Variants in CSMD1 observed in about 807,000 individuals in gnomAD.
CSMD1 encodes the protein CUB and sushi domain-containing protein 1.
Under a neutral mutation model 417.5 loss-of-function variants are expected in CSMD1, and 213 were observed. The ratio of observed to expected loss-of-function variants is 0.51; its 90% CI spans 0.46 to 0.57. The LOEUF (loss-of-function observed/expected upper bound fraction) is 0.57, where lower values mean the gene tolerates loss of function less well. Ranked by LOEUF, CSMD1 falls within the 20% of genes least tolerant of loss-of-function variation. The pLI, the probability that CSMD1 is intolerant of heterozygous loss-of-function variation, is 0.00. For synonymous variants in CSMD1, 2,862 were observed against 1,736.8 expected (o/e 1.65, Z -16.11); for missense variants, 6,923 against 4,529.7 (o/e 1.53, Z -15.17).
intron 1 of CSMD1, among the ~76,000 whole-genome samples, chr8:4,865,699 G>T (rs1371362259): frequency 6.6e-6 from 1 of 151,752 alleles, no homozygotes; most frequent in Non-Finnish European, 1.5e-5. Flanking sequence ...CCATCAATCA[G>T]ATTTGTTCTA....
Position 3,915,934 on chromosome 8 carries a change from A to C in CSMD1, c.818+81969T>G, listed in dbSNP as rs75466377. On this transcript the variant is annotated intron_variant, in intron 5 of 69. Coordinates refer to ENST00000635120, the MANE Select transcript of CSMD1 (RefSeq NM_033225.6). Reference sequence around the variant, plus strand: ...GAGTTATCTGAGGCAGACCTACATAAACTGGCTCCAAACTTTAGGTAAACG... The same window carrying C: ...GAGTTATCTGAGGCAGACCTACATACACTGGCTCCAAACTTTAGGTAAACG... Among the ~76,000 whole-genome samples the C allele has an allele frequency of 2.4e-3, 362 of 151,292 alleles. 1 individual carries two copies. Among genetic ancestry groups the C allele is most frequent in the Non-Finnish European group, 3.5e-3 (237 of 67,856 alleles).
chr8:3,713,772 G>C (rs1201524044), intron 6 of CSMD1, among the ~76,000 whole-genome samples: 1 of 152,188 alleles, frequency 6.6e-6, no homozygotes, highest in Non-Finnish European at 1.5e-5. Flanking sequence ...ACAAATCACA[G>C]AGGAAATTGT....
intron 3 of CSMD1, among the ~76,000 whole-genome samples, chr8:4,227,344 A>C: frequency 6.6e-6 from 1 of 152,208 alleles, no homozygotes; most frequent in Middle Eastern, 3.4e-3. Context: ...TGCCTGTCCT[A>C]ATAAGAGGTC....
intron 1 of CSMD1, among the ~76,000 whole-genome samples, chr8:4,821,435 G>T (rs1239843803): frequency 2.6e-5 from 4 of 152,028 alleles, no homozygotes; most frequent in Non-Finnish European, 5.9e-5. Context: ...GAAAATTAAG[G>T]TAAAAATCTC....
intron 3 of CSMD1, among the ~76,000 whole-genome samples, chr8:4,196,128 T>G (rs1440161613): frequency 1.3e-5 from 2 of 151,978 alleles, no homozygotes; most frequent in East Asian, 1.9e-4. Context: ...GGAGAATGGC[T>G]TGAACCCGGG....
At chr8:3,459,376 G>A (rs1179123656) in intron 12 of CSMD1, among the ~76,000 whole-genome samples, 4 of 152,134 alleles carry the variant, frequency 2.6e-5, no homozygotes, top group African/African-American at 4.8e-5. Context: ...GGAATCGCAC[G>A]GTGGATCCTT....
At chr8:4,040,970 G>A (rs1445395895) in intron 3 of CSMD1, among the ~76,000 whole-genome samples, 4 of 150,594 alleles carry the variant, frequency 2.7e-5, no homozygotes, top group African/African-American at 7.3e-5. Flanking sequence ...CTTCACTAGT[G>A]AATCCTCACG....
At position 4,708,110 on chromosome 8, in the gene CSMD1, T is replaced by A. The variant is rs531167372; in HGVS notation, c.86-70552A>T. ...AGGCATCTGCCAATACACTGGCTAATTTTTTGTATTTTTTTTTATTTTTTT... is the reference window on the plus strand; with the variant it reads ...AGGCATCTGCCAATACACTGGCTAAATTTTTGTATTTTTTTTTATTTTTTT... On this transcript the variant is annotated intron_variant, in intron 1 of 69. Transcript: ENST00000635120. Among the ~76,000 whole-genome samples, 6 of 131,348 alleles carry A rather than the reference T, an allele frequency of 4.6e-5. No homozygotes were observed. The South Asian group carries it at 1.2e-3, about 27-fold the overall frequency. 86.2% of individuals were successfully genotyped at this position (131,348 alleles called of 152,430 possible). A position where few individuals can be genotyped will look rare whatever the true frequency, so the allele number is the denominator to read the frequency against.
In CSMD1 at chr8:4,049,897, G is replaced by A. The variant is rs964071209; in HGVS notation, c.416-17798C>T. ...TTATCTTAGCTTTTAAGTAACGTTC[G>A]CTTTCTGTTTCAGGAATCCATTCGG... On this transcript the variant is annotated intron_variant, in intron 3 of 69. Coordinates refer to ENST00000635120, the MANE Select transcript of CSMD1 (RefSeq NM_033225.6). Among the ~76,000 whole-genome samples, 15 of 100,870 alleles carry A rather than the reference G, an allele frequency of 1.5e-4. No individual in the cohort carries two copies. The Admixed American group carries it at 1.6e-3, about 10-fold the overall frequency. The allele number at this position is 100,870 out of a possible 152,430, so 66.2% of individuals were successfully genotyped here.
chr8:3,842,789 T>C (rs117977896), intron 5 of CSMD1, among the ~76,000 whole-genome samples: 1,955 of 152,298 alleles, frequency 0.013, 22 homozygotes, highest in Middle Eastern at 0.02. Context: ...AACTGTCTTT[T>C]AAAAAGTTGG....
At chr8:4,642,037 G>C (rs977186904) in intron 1 of CSMD1, among the ~76,000 whole-genome samples, 1 of 152,192 alleles carries the variant, frequency 6.6e-6, no homozygotes, top group Non-Finnish European at 1.5e-5. Context: ...CAGTCCTGCA[G>C]GAACCAGTAA....
At chr8:4,943,312 T>G (rs13269940) in intron 1 of CSMD1, among the ~76,000 whole-genome samples, 77,810 of 151,654 alleles carry the variant, frequency 0.51, 21,221 homozygotes, top group East Asian at 0.79. Context: ...TGGCTGACAC[T>G]ATGAAAACCC....
chr8:4,880,688 C>T (rs1803337673), intron 1 of CSMD1, among the ~76,000 whole-genome samples: 2 of 151,990 alleles, frequency 1.3e-5, no homozygotes, highest in South Asian at 4.1e-4. Context: ...TTCTGCCGTG[C>T]CTGTTCTGCC....
chr8:3,094,705 T>A (rs763150074), intron 47 of CSMD1, among the ~76,000 whole-genome samples: 61 of 148,436 alleles, frequency 4.1e-4, no homozygotes, highest in Non-Finnish European at 7.5e-4. Context: ...ACTTAAGCCA[T>A]AGAGAGTAAT....
At chr8:3,818,069 G>A (rs1801496399) in intron 5 of CSMD1, among the ~76,000 whole-genome samples, 1 of 152,028 alleles carries the variant, frequency 6.6e-6, no homozygotes, top group African/African-American at 2.4e-5. Flanking sequence ...GAGCAGGCAT[G>A]GAGGTCCGGG....
rs563192766 is a variant in CSMD1, at chr8:3,303,407, C to G, written c.3950+4288G>C. On this transcript the variant is annotated intron_variant, in intron 25 of 69. Coordinates refer to ENST00000635120, the MANE Select transcript of CSMD1 (RefSeq NM_033225.6). ...CAGGTCAGGACAGCCAGCAGAACACCAGGGTCGTCAAACCACATGTTACCT... is the reference window on the plus strand; with the variant it reads ...CAGGTCAGGACAGCCAGCAGAACACGAGGGTCGTCAAACCACATGTTACCT... Among the ~76,000 whole-genome samples the G allele has an allele frequency of 2.0e-5, 3 of 152,304 alleles. No homozygotes were observed. The South Asian group carries it at 6.2e-4, about 32-fold the overall frequency.
intron 1 of CSMD1, among the ~76,000 whole-genome samples, chr8:4,648,263 G>C (rs1803663463): frequency 6.6e-6 from 1 of 152,114 alleles, no homozygotes; most frequent in Non-Finnish European, 1.5e-5. Flanking sequence ...TGATGGGGTT[G>C]TTTTTTCTTG....
At chr8:4,282,357 G>T (rs962321741) in intron 3 of CSMD1, among the ~76,000 whole-genome samples, 1 of 152,150 alleles carries the variant, frequency 6.6e-6, no homozygotes, top group Non-Finnish European at 1.5e-5. Flanking sequence ...CTGGCCACTG[G>T]ACAAGAGGGC....
chr8:3,026,974 C>T (rs1034782658), intron 51 of CSMD1, among the ~76,000 whole-genome samples: 2 of 151,926 alleles, frequency 1.3e-5, no homozygotes, highest in East Asian at 1.9e-4. Flanking sequence ...GAGGAGAAAG[C>T]GGCCATTAAG....
Sources: gnomAD v4.1 joint callset for allele counts (sites outside exome capture counted in the v4.1 genomes callset) on GRCh38, gnomAD v4.1.1 for gene constraint, MANE v1.5 for transcripts, NCBI Gene and HGNC (gene_info 2026-07-23, HGNC 2026-07-21) for gene names.